Variants in TECRL observed in about 807,000 individuals in gnomAD.
The protein encoded by TECRL is trans-2,3-enoyl-CoA reductase-like.
In TECRL, 63 loss-of-function variants were observed where a neutral mutation model predicts 52.8. That is an observed-to-expected ratio of 1.19 (90% CI 0.97 to 1.47). The LOEUF (loss-of-function observed/expected upper bound fraction) is 1.47, where lower values mean the gene tolerates loss of function less well. TECRL is among the 40% of genes most tolerant of loss of function. The pLI is 0.00. For synonymous variants in TECRL, 164 were observed against 141.9 expected (o/e 1.16, Z -1.10); for missense variants, 482 against 429.6 (o/e 1.12, Z -1.08).
chr4:64,359,493 C>T (rs1364839553), intron 2 of TECRL, among the ~76,000 whole-genome samples: 7 of 137,396 alleles, frequency 5.1e-5, no homozygotes, highest in East Asian at 2.2e-4. Flanking sequence ...CTAACCCAAC[C>T]GTCTAGATGC....
intron 1 of TECRL, among the ~76,000 whole-genome samples, chr4:64,392,887 A>G (rs1416657211): frequency 6.6e-6 from 1 of 151,906 alleles, no homozygotes; most frequent in African/African-American, 2.4e-5. Context: ...TTTTCTCACT[A>G]CTCACAAATG....
At chr4:64,374,054 T>TATATATATATATAGTAGATACATAC (rs1553919044) in intron 2 of TECRL, among the ~76,000 whole-genome samples, 3 of 21,686 alleles carry the variant, frequency 1.4e-4, no homozygotes, top group African/African-American at 2.0e-4. Flanking sequence ...AGTAGATACA[T>TATATATATATATAGTAGATACATAC]ATATATATAT....
At chr4:64,355,608 C>T (rs555376975) in intron 2 of TECRL, among the ~76,000 whole-genome samples, 7 of 151,572 alleles carry the variant, frequency 4.6e-5, no homozygotes, top group Non-Finnish European at 5.9e-5. Context: ...ACCATCCTGG[C>T]GAACACAGTG....
chr4:64,348,209 T>C (rs1290883052), intron 2 of TECRL, among the ~76,000 whole-genome samples: 2 of 152,076 alleles, frequency 1.3e-5, no homozygotes, highest in African/African-American at 2.4e-5. Flanking sequence ...GATATAATCA[T>C]GGCGGAAGGC....
chr4:64,308,908 A>G (rs1212917972), intron 6 of TECRL, among the ~76,000 whole-genome samples: 1 of 152,240 alleles, frequency 6.6e-6, no homozygotes, highest in East Asian at 1.9e-4. Context: ...ATTACTAAAA[A>G]TAAAACATAA....
In TECRL at chr4:64,304,174, G is replaced by T. The variant is rs569495259; in HGVS notation, c.730+992C>A. 7.2e-5 allele frequency among the ~76,000 whole-genome samples: 11 copies of T among 151,880 alleles called. No individual in the cohort carries two copies. In the South Asian group the frequency reaches 2.3e-3, roughly 31 times the overall value. ...GAAGTGTATCTTATTAACATAGTCTGGAGCAATACTTCTATGTGCTAACGT... is the reference window on the plus strand; with the variant it reads ...GAAGTGTATCTTATTAACATAGTCTTGAGCAATACTTCTATGTGCTAACGT... On this transcript the variant is annotated intron_variant, in intron 7 of 11. Transcript: ENST00000381210.
intron 4 of TECRL, among the ~76,000 whole-genome samples, chr4:64,318,943 T>C (rs1717695756): frequency 6.6e-6 from 1 of 151,916 alleles, no homozygotes; most frequent in Non-Finnish European, 1.5e-5. Context: ...GTATTTGGAT[T>C]TAAGATATAT....
chr4:64,315,207 A>C (rs1321571267), intron 4 of TECRL, among the ~76,000 whole-genome samples: 1 of 151,992 alleles, frequency 6.6e-6, no homozygotes, highest in Non-Finnish European at 1.5e-5. Flanking sequence ...TGTCAGCTTG[A>C]ATCCATTGAT....
chr4:64,398,025 T>C (rs1724080733), intron 1 of TECRL, among the ~76,000 whole-genome samples: 2 of 89,468 alleles, frequency 2.2e-5, no homozygotes, highest in South Asian at 7.5e-4. Flanking sequence ...AACACATATA[T>C]TAAAAAGTAA....
intron 1 of TECRL, among the ~76,000 whole-genome samples, chr4:64,402,526 G>C (rs565266032): frequency 9.9e-5 from 15 of 152,076 alleles, no homozygotes; most frequent in African/African-American, 3.4e-4. Flanking sequence ...GCTTATAGGA[G>C]ACCCTAAGTG....
At chr4:64,376,096 T>C (rs957220915) in intron 1 of TECRL, among the ~76,000 whole-genome samples, 1 of 151,942 alleles carries the variant, frequency 6.6e-6, no homozygotes, top group African/African-American at 2.4e-5. Flanking sequence ...AAAAAATGCA[T>C]AAAATGTTGG....
intron 1 of TECRL, among the ~76,000 whole-genome samples, chr4:64,408,654 T>C (rs1158291035): frequency 1.3e-5 from 2 of 152,070 alleles, no homozygotes; most frequent in Non-Finnish European, 2.9e-5. Context: ...AATGCTTAAA[T>C]GATTAAATTT....
rs188936317 is a variant in TECRL, at chr4:64,393,570, T to C, written c.234+15548A>G. Among the ~76,000 whole-genome samples the C allele has an allele frequency of 1.0e-3, 158 of 152,112 alleles. 2 individuals are homozygous for C. The highest frequency in any genetic ancestry group is 3.7e-3 in the African/African-American group (155 of 41,542). On this transcript the variant is annotated intron_variant, in intron 1 of 11. Coordinates refer to ENST00000381210, the MANE Select transcript of TECRL (RefSeq NM_001010874.5). Reference sequence around the variant, plus strand: ...CTAAGGACATTAAAATTGAAAACAATATGAGGATATTTTAGTTTCTTAAAA... The same window carrying C: ...CTAAGGACATTAAAATTGAAAACAACATGAGGATATTTTAGTTTCTTAAAA...
chr4:64,329,965 A>AC (rs1718518125), intron 2 of TECRL, among the ~76,000 whole-genome samples: 1 of 150,042 alleles, frequency 6.7e-6, no homozygotes, highest in Non-Finnish European at 1.5e-5. Flanking sequence ...TTACTATTTT[A>AC]TTGTACTATT....
At chr4:64,404,220 CAAA>C (rs74418503) in intron 1 of TECRL, among the ~76,000 whole-genome samples, 56 of 115,900 alleles carry the variant, frequency 4.8e-4, no homozygotes, top group African/African-American at 1.2e-3. Flanking sequence ...AGAGTTTTAC[CAAA>C]AAAAAAAAAA....
chr4:64,401,067 C>A (rs986708066), intron 1 of TECRL, among the ~76,000 whole-genome samples: 3 of 152,174 alleles, frequency 2.0e-5, no homozygotes, highest in African/African-American at 7.2e-5. Flanking sequence ...CAGTCTTGAA[C>A]AAGCTCACAC....
Position 64,279,689 on chromosome 4 carries a change from T to C in TECRL, c.*383A>G, listed in dbSNP as rs1481555845. 6.3e-6 allele frequency: 4 copies of C among 637,048 alleles called. No homozygotes were observed. The highest frequency in any genetic ancestry group is 7.8e-6 in the Non-Finnish European group (4 of 512,008). 39.5% of individuals were successfully genotyped at this position (637,048 alleles called of 1,614,324 possible). The stretch of plus-strand genomic sequence containing the variant: ...GTTGAGCATTTTAAAAATATACTTA[T>C]TGACCATGTATATGTCTTCCTTTGG... On this transcript the variant is annotated 3_prime_UTR_variant, in exon 12 of 12. Transcript: ENST00000381210.
intron 2 of TECRL, among the ~76,000 whole-genome samples, chr4:64,354,571 C>T (rs1407150434): frequency 1.3e-5 from 2 of 152,042 alleles, no homozygotes; most frequent in African/African-American, 2.4e-5. Context: ...TGAACAAATT[C>T]GCTGGAGGGG....
intron 8 of TECRL, 70 bp from the exon 9 acceptor site, chr4:64,289,837 G>T (rs1171088304): frequency 3.1e-6 from 3 of 980,326 alleles, no homozygotes; most frequent in Non-Finnish European, 4.3e-6. Flanking sequence ...ATATTCTAGA[G>T]TTATATAAAA....
Sources: gnomAD v4.1 joint callset for allele counts (sites outside exome capture counted in the v4.1 genomes callset) on GRCh38, gnomAD v4.1.1 for gene constraint, MANE v1.5 for transcripts, NCBI Gene and HGNC (gene_info 2026-07-23, HGNC 2026-07-21) for gene names.